ATP6V1H: variants seen among roughly 807,000 people sequenced by gnomAD.
ATP6V1H encodes V-type proton ATPase subunit H.
Under a neutral mutation model 71.7 loss-of-function variants are expected in ATP6V1H, and 39 were observed. The ratio of observed to expected loss-of-function variants is 0.54; its 90% CI spans 0.42 to 0.71. The LOEUF (loss-of-function observed/expected upper bound fraction) is 0.71. ATP6V1H is among the 30% of genes least tolerant of loss of function. ATP6V1H has a pLI of 0.00. For missense variants in ATP6V1H, 509 were observed against 594.9 expected (o/e 0.86, Z 1.50); for synonymous variants, 192 against 199.3 (o/e 0.96, Z 0.31).
intron 10 of ATP6V1H, among the ~76,000 whole-genome samples, chr8:53,771,543 G>A (rs1033877682): frequency 1.3e-5 from 2 of 152,050 alleles, no homozygotes; most frequent in African/African-American, 4.8e-5. Context: ...TTCCATAGTG[G>A]CTAATTCTTT....
In ATP6V1H at chr8:53,817,281, T is replaced by C. The variant is rs969464831; in HGVS notation, c.420+136A>G. 7 of 484,078 alleles carry C rather than the reference T, an allele frequency of 1.4e-5. No homozygotes were observed. The Admixed American group carries it at 1.5e-4, about 11-fold the overall frequency. 30.0% of individuals were successfully genotyped at this position (484,078 alleles called of 1,614,324 possible). A position where few individuals can be genotyped will look rare whatever the true frequency, so the allele number is the denominator to read the frequency against. ...AGCTGGGTGCAGTGGCTCACACCTG[T>C]AATCCCAGCACTTTGGGAGGCCAAG... On this transcript the variant is annotated intron_variant, in intron 5 of 13. Transcript: ENST00000359530.
chr8:53,751,224 C>T (rs770066143), intron 12 of ATP6V1H, among the ~76,000 whole-genome samples: 1 of 152,210 alleles, frequency 6.6e-6, no homozygotes, highest in Non-Finnish European at 1.5e-5. Context: ...CTGAGGTAGA[C>T]TTCCATGACA....
At chr8:53,734,832 T>C (rs1318946113) in intron 13 of ATP6V1H, among the ~76,000 whole-genome samples, 1 of 150,800 alleles carries the variant, frequency 6.6e-6, no homozygotes, top group Non-Finnish European at 1.5e-5. Context: ...CTACTTATTC[T>C]AATGAAAAAA....
rs942078955 is a variant in ATP6V1H, at chr8:53,807,436, A to G, written c.579+3728T>C. The stretch of plus-strand genomic sequence containing the variant: ...CCAACATGGCGAAACCCCCATCTCT[A>G]CTTAGAAAAAAAAAAAACTAAGTCC... On this transcript the variant is annotated intron_variant, in intron 7 of 13. Coordinates refer to ENST00000359530, the MANE Select transcript of ATP6V1H (RefSeq NM_015941.4). Among the ~76,000 whole-genome samples, 2 of 152,034 alleles carry G rather than the reference A, an allele frequency of 1.3e-5. 1 individual carries two copies. The highest frequency in any genetic ancestry group is 2.9e-5 in the Non-Finnish European group (2 of 67,996).
At chr8:53,769,962 A>T (rs1042171335) in intron 10 of ATP6V1H, among the ~76,000 whole-genome samples, 30 of 152,162 alleles carry the variant, frequency 2.0e-4, no homozygotes, top group Non-Finnish European at 3.4e-4. Context: ...CTCCTGTCAA[A>T]TTTGAATGCT....
chr8:53,821,445 C>G (rs1229265948), intron 4 of ATP6V1H, among the ~76,000 whole-genome samples: 1 of 151,772 alleles, frequency 6.6e-6, no homozygotes, highest in Non-Finnish European at 1.5e-5. Flanking sequence ...ATTCTGGGAG[C>G]CAAGGCAGGC....
At chr8:53,791,579 G>A (rs1183821972) in intron 9 of ATP6V1H, among the ~76,000 whole-genome samples, 2 of 152,202 alleles carry the variant, frequency 1.3e-5, no homozygotes, top group East Asian at 3.8e-4. Flanking sequence ...GATGATTCCA[G>A]AAGATTCTTT....
chr8:53,805,789 A>C (rs1810059278), intron 7 of ATP6V1H, among the ~76,000 whole-genome samples: 1 of 152,198 alleles, frequency 6.6e-6, no homozygotes, highest in African/African-American at 2.4e-5. Context: ...ATATTCATAT[A>C]ATGAAATACT....
intron 11 of ATP6V1H, among the ~76,000 whole-genome samples, chr8:53,767,419 A>G (rs555823656): frequency 1.2e-4 from 19 of 152,350 alleles, no homozygotes; most frequent in African/African-American, 4.6e-4. Flanking sequence ...TAAAAGTTGT[A>G]GTAAAGTATA....
At chr8:53,784,151 TC>T (rs1289768132) in intron 9 of ATP6V1H, among the ~76,000 whole-genome samples, 1 of 152,194 alleles carries the variant, frequency 6.6e-6, no homozygotes, top group African/African-American at 2.4e-5. Flanking sequence ...TGTTAAAGTC[TC>T]CCATTATTAT....
chr8:53,789,537 A>C (rs1320773668), intron 9 of ATP6V1H, among the ~76,000 whole-genome samples: 1 of 152,100 alleles, frequency 6.6e-6, no homozygotes, highest in Non-Finnish European at 1.5e-5. Flanking sequence ...GCAGCACTTA[A>C]AATATTCTAA....
chr8:53,742,895 T>G (rs1312846022), intron 13 of ATP6V1H, among the ~76,000 whole-genome samples: 2 of 152,176 alleles, frequency 1.3e-5, no homozygotes, highest in African/African-American at 2.4e-5. Context: ...GAGAGGCATT[T>G]GAACTGTTTA....
chr8:53,768,544 G>C (rs919674139), intron 11 of ATP6V1H, among the ~76,000 whole-genome samples: 1 of 152,132 alleles, frequency 6.6e-6, no homozygotes, highest in African/African-American at 2.4e-5. Context: ...AAAAGTCCAT[G>C]AACTGATGAG....
intron 9 of ATP6V1H, among the ~76,000 whole-genome samples, chr8:53,788,714 C>T (rs1342457175): frequency 3.9e-5 from 6 of 152,306 alleles, no homozygotes; most frequent in African/African-American, 1.4e-4. Context: ...CAATCAAGTG[C>T]TGGAATTCAC....
intron 13 of ATP6V1H, among the ~76,000 whole-genome samples, chr8:53,737,011 G>A (rs908058661): frequency 1.3e-5 from 2 of 152,194 alleles, no homozygotes; most frequent in Non-Finnish European, 2.9e-5. Context: ...GATTACTGAT[G>A]CATGCAGCCC....
chr8:53,812,260 C>T (rs926345046), intron 6 of ATP6V1H, among the ~76,000 whole-genome samples: 3 of 152,036 alleles, frequency 2.0e-5, no homozygotes, highest in Non-Finnish European at 4.4e-5. Flanking sequence ...GCAGAAGGAC[C>T]CGCAAAGCAG....
chr8:53,826,861 A>T (rs761793895), intron 4 of ATP6V1H, among the ~76,000 whole-genome samples: 2 of 151,882 alleles, frequency 1.3e-5, no homozygotes, highest in Non-Finnish European at 2.9e-5. Flanking sequence ...CAGAGGCAGG[A>T]GAATTGCTTG....
chr8:53,782,937 G>A (rs1422833232), intron 9 of ATP6V1H, among the ~76,000 whole-genome samples: 13 of 151,598 alleles, frequency 8.6e-5, no homozygotes, highest in African/African-American at 2.7e-4. Context: ...TGCTGGATTC[G>A]GTTTGCCAGT....
intron 13 of ATP6V1H, among the ~76,000 whole-genome samples, chr8:53,733,175 C>T (rs1013136083): frequency 5.3e-5 from 8 of 152,198 alleles, no homozygotes; most frequent in African/African-American, 9.6e-5. Context: ...GGCTGACTGC[C>T]GCCAGCTGCT....
Sources: allele counts gnomAD v4.1 joint callset (sites outside exome capture counted in the v4.1 genomes callset), GRCh38; gene constraint gnomAD v4.1.1; transcripts MANE v1.5; gene names NCBI Gene and HGNC (gene_info 2026-07-23, HGNC 2026-07-21).